MORC2: variants seen among roughly 807,000 people sequenced by gnomAD.
MORC2 encodes MORC family CW-type zinc finger 2, also known as ATPase MORC2.
Under a neutral mutation model 136.0 loss-of-function variants are expected in MORC2, and 30 were observed. The observed-to-expected ratio is 0.22, with a 90% CI of 0.17 to 0.30. The LOEUF (loss-of-function observed/expected upper bound fraction) is 0.30. MORC2 is among the 10% of genes least tolerant of loss of function. The pLI is 1.00. For missense variants in MORC2, 922 were observed against 1,333.1 expected, an observed-to-expected ratio of 0.69 and a Z score of 4.80; for synonymous variants, 439 against 487.0, an observed-to-expected ratio of 0.90 and a Z score of 1.30.
chr22:30,938,605 T>C (rs1183822946), intron 12 of MORC2, among the ~76,000 whole-genome samples: 1 of 152,236 alleles, frequency 6.6e-6, no homozygotes. Flanking sequence ...AGTCTTGCTC[T>C]GTCGCCCAGG....
intron 4 of MORC2, 40 bp downstream of exon 4, chr22:30,950,337 G>GGGGGGC: frequency 2.6e-6 from 2 of 761,766 alleles, no homozygotes; most frequent in Non-Finnish European, 4.7e-6. Flanking sequence ...TGGTTACATC[G>GGGGGGC]CACCCCCCCA....
chr22:30,950,275 A>C, intron 4 of MORC2, 102 bp downstream of exon 4: 2 of 1,216,596 alleles, frequency 1.6e-6, no homozygotes, highest in Non-Finnish European at 2.4e-6. Flanking sequence ...TTCTAGACAT[A>C]ACATTGGAGG....
chr22:30,964,124 G>A (rs144761112), intron 1 of MORC2, among the ~76,000 whole-genome samples: 149 of 152,252 alleles, frequency 9.8e-4, no homozygotes, highest in African/African-American at 3.5e-3. Context: ...TTGGGAGGCC[G>A]AGGCAGGCGG....
rs569354265 is a variant in MORC2 at position 30,967,969 on chromosome 22, G to C, written c.-80C>G. 7.1e-6 allele frequency: 9 copies of C among 1,267,048 alleles called. No homozygotes were observed. The East Asian group carries it at 2.3e-4, about 32-fold the overall frequency. 78.5% of individuals were successfully genotyped at this position (1,267,048 alleles called of 1,614,324 possible). A position where few individuals can be genotyped will look rare whatever the true frequency, so the allele number is the denominator to read the frequency against. ...AATGATATCGATTTCCCAGGATTCTGTCCAGTAAAGCTTCAGTAAGTCTGT... is the reference window on the plus strand; with the variant it reads ...AATGATATCGATTTCCCAGGATTCTCTCCAGTAAAGCTTCAGTAAGTCTGT... On this transcript the variant is annotated 5_prime_UTR_variant, in exon 1 of 26. Transcript: ENST00000397641.
At position 30,941,528 on chromosome 22, in the gene MORC2, A is replaced by G. The variant is rs544084897; in HGVS notation, c.729T>C (p.Tyr243=). 2.5e-6 allele frequency: 4 copies of G among 1,614,052 alleles called. No homozygotes were observed. Among genetic ancestry groups the G allele is most frequent in the African/African-American group, 1.3e-5 (1 of 75,070 alleles). ...GGGGATCAATATAGAGCACAGCGGC[A>G]TAGGCACGGAACGAGCGCCGCTCTG... ...TKPERRSFRA[Y]AAVLYIDPRM... is the part of the protein sequence containing the mutation. Residue 243 remains tyrosine, a synonymous_variant, in exon 9 of 26, where the codon TAT becomes TAC. Transcript: ENST00000397641. This position sits in a 1 kb window ranked among gnomAD's most constrained non-coding sequence, Gnocchi z 4.6.
chr22:30,936,896 A>C (rs762885155), intron 16 of MORC2, 36 bp downstream of exon 16: 1 of 1,576,556 alleles, frequency 6.3e-7, no homozygotes, highest in Non-Finnish European at 8.7e-7. Flanking sequence ...AGGGGAGAAA[A>C]GTACCCACAA....
chr22:30,954,952 A>ATTTT lies in MORC2; in HGVS notation c.157+1807_157+1810dup, dbSNP rs34059352. ...AAAGGCACCTCCATCTGGCCTGAGC[A>ATTTT]TTTTTTTTTTTTTTTTTTTTTTTGA... On this transcript the variant is annotated intron_variant, in intron 3 of 25. Coordinates refer to ENST00000397641, the MANE Select transcript of MORC2 (RefSeq NM_001303256.3). 4.7e-4 allele frequency among the ~76,000 whole-genome samples: 49 copies of ATTTT among 105,296 alleles called. 1 individual carries two copies. The highest frequency in any genetic ancestry group is 8.7e-4 in the East Asian group (3 of 3,440). 69.1% of individuals were successfully genotyped at this position (105,296 alleles called of 152,430 possible).
chr22:30,950,339 A>AACCCCCCCCCC, intron 4 of MORC2, 38 bp downstream of exon 4: 5 of 539,970 alleles, frequency 9.3e-6, no homozygotes, highest in Admixed American at 2.9e-5. Context: ...GTTACATCGC[A>AACCCCCCCCCC]CCCCCCCACC....
At chr22:30,945,035 C>T (rs1189216552) in intron 6 of MORC2, among the ~76,000 whole-genome samples, 1 of 152,218 alleles carries the variant, frequency 6.6e-6, no homozygotes, top group Non-Finnish European at 1.5e-5. Context: ...CTCTGATCTC[C>T]AAAGGCCACC....
chr22:30,927,136 T>A (rs1345396771), intron 25 of MORC2, among the ~76,000 whole-genome samples: 2 of 152,070 alleles, frequency 1.3e-5, no homozygotes, highest in African/African-American at 4.8e-5. Flanking sequence ...CCTCAGATAC[T>A]ACAAATATGC....
At chr22:30,952,014 T>C (rs1249535620) in intron 3 of MORC2, among the ~76,000 whole-genome samples, 1 of 152,128 alleles carries the variant, frequency 6.6e-6, no homozygotes, top group Admixed American at 6.5e-5. Context: ...TTACAAGTGC[T>C]TCTTGAAAGT....
chr22:30,943,645 G>C (rs893122996), intron 6 of MORC2, among the ~76,000 whole-genome samples: 2 of 152,186 alleles, frequency 1.3e-5, no homozygotes, highest in Non-Finnish European at 2.9e-5. Flanking sequence ...CACCTCAGGG[G>C]TTCAAACCCT....
intron 12 of MORC2, 113 bp from the exon 13 acceptor site, chr22:30,938,318 G>T: frequency 4.0e-6 from 5 of 1,240,282 alleles, no homozygotes; most frequent in Non-Finnish European, 5.6e-6. Flanking sequence ...CAAAAGTTTT[G>T]TATCTCTATT....
At chr22:30,956,204 C>T (rs1232786764) in intron 3 of MORC2, among the ~76,000 whole-genome samples, 1 of 152,134 alleles carries the variant, frequency 6.6e-6, no homozygotes, top group Admixed American at 6.5e-5. Context: ...AACAGCAGAG[C>T]CAAATAAGCA....
At chr22:30,960,865 A>G (rs1469472341) in intron 1 of MORC2, among the ~76,000 whole-genome samples, 1 of 143,400 alleles carries the variant, frequency 7.0e-6, no homozygotes, top group Non-Finnish European at 1.5e-5. Flanking sequence ...TGTTGTTGTT[A>G]TTTTGTTTTT....
chr22:30,941,766 C>T lies in MORC2; in HGVS notation c.698+125G>A. 1 of 1,119,512 alleles carries T rather than the reference C, an allele frequency of 8.9e-7. No homozygotes were observed. The highest frequency in any genetic ancestry group is 1.4e-5 in the South Asian group (1 of 71,638). 69.3% of individuals were successfully genotyped at this position (1,119,512 alleles called of 1,614,324 possible). ...GGCACCCCACAGGCAACTGAGCTGG[C>T]CCTACATACTACCCTACCACAGAAC... On this transcript the variant is annotated intron_variant, in intron 8 of 25. Transcript: ENST00000397641. This position sits in a 1 kb window ranked among gnomAD's most constrained non-coding sequence, Gnocchi z 4.6.
chr22:30,950,337 G>GCGGGGGCCCCCC, intron 4 of MORC2, 40 bp downstream of exon 4: 3 of 761,714 alleles, frequency 3.9e-6, no homozygotes, highest in Non-Finnish European at 4.7e-6. Flanking sequence ...TGGTTACATC[G>GCGGGGGCCCCCC]CACCCCCCCA....
At chr22:30,938,985 G>A (rs1004192997) in intron 12 of MORC2, among the ~76,000 whole-genome samples, 9 of 152,240 alleles carry the variant, frequency 5.9e-5, no homozygotes, top group African/African-American at 2.2e-4. Flanking sequence ...TGGATGAGGA[G>A]TGGACTGACT....
intron 2 of MORC2, among the ~76,000 whole-genome samples, chr22:30,958,255 A>T (rs978560943): frequency 1.3e-5 from 2 of 152,202 alleles, no homozygotes; most frequent in African/African-American, 4.8e-5. Flanking sequence ...AGTTTTAAAG[A>T]CATTAGATGG....
Sources: gnomAD v4.1 joint callset for allele counts (sites outside exome capture counted in the v4.1 genomes callset) on GRCh38, gnomAD v4.1.1 for gene constraint, Gnocchi (gnomAD v3.1) non-coding constraint, MANE v1.5 for transcripts, NCBI Gene and HGNC (gene_info 2026-07-23, HGNC 2026-07-21) for gene names.